Variants in MAP4 observed in about 807,000 individuals in gnomAD.
The protein encoded by MAP4 is microtubule associated protein 4.
Under a neutral mutation model 170.2 loss-of-function variants are expected in MAP4, and 76 were observed. The observed-to-expected ratio is 0.45, with a 90% CI of 0.37 to 0.54. The LOEUF (loss-of-function observed/expected upper bound fraction) is 0.54, where lower values mean the gene tolerates loss of function less well. MAP4 is among the 20% of genes least tolerant of loss of function. MAP4 has a pLI of 0.00. For missense variants in MAP4, 2,506 were observed against 2,748.0 expected (o/e 0.91, Z 1.97); for synonymous variants, 909 against 994.5 (o/e 0.91, Z 1.62).
intron 1 of MAP4, among the ~76,000 whole-genome samples, chr3:48,044,928 A>C (rs944151494): frequency 6.9e-6 from 1 of 144,866 alleles, no homozygotes; most frequent in African/African-American, 2.6e-5. Context: ...CAGCCTGGGC[A>C]ACAGAGCAAG....
chr3:47,909,073 T>C lies in MAP4; in HGVS notation c.5348A>G (p.Gln1783Arg), dbSNP rs367810467. 1.4e-4 allele frequency: 234 copies of C among 1,613,942 alleles called. 1 individual carries two copies. Among genetic ancestry groups the C allele is most frequent in the Non-Finnish European group, 1.1e-5 (13 of 1,179,866 alleles). ...CAGTTGCTTATGTCTCTCTTGTTCC[T>C]GGATTGTAGACTTTGGCAAAAGTGG... ...LTPLLPKSTI[Q>R]EQERHKQLKS... The change falls in exon 9 of 21, where the codon CAG becomes CGG. Residue 1783 changes from glutamine to arginine, a missense_variant. By Grantham distance (43) the Gln-to-Arg change is conservative (BLOSUM62 1). Around this residue, in one of 3 missense-constraint regions of MAP4, gnomAD observed 2,008 missense variants for 2,206.0 expected, o/e 0.91. Coordinates refer to ENST00000683076, the MANE Select transcript of MAP4 (RefSeq NM_001385682.1).
chr3:47,994,876 G>C (rs1260314289), intron 2 of MAP4, among the ~76,000 whole-genome samples: 2 of 151,864 alleles, frequency 1.3e-5, no homozygotes, highest in Non-Finnish European at 2.9e-5. Flanking sequence ...TTGAACCTGG[G>C]AGGCGGAGGA....
At chr3:48,062,896 G>A (rs1579718739) in intron 1 of MAP4, among the ~76,000 whole-genome samples, 1 of 149,926 alleles carries the variant, frequency 6.7e-6, no homozygotes, top group African/African-American at 2.4e-5. Context: ...TTGCACTCCA[G>A]CCTAGGCAAC....
chr3:48,044,435 G>A (rs1008019749), intron 1 of MAP4, among the ~76,000 whole-genome samples: 3 of 151,726 alleles, frequency 2.0e-5, no homozygotes, highest in Non-Finnish European at 2.9e-5. Flanking sequence ...GATTACAGGC[G>A]TAAGCCACAG....
chr3:48,028,805 A>G (rs1469419447), intron 1 of MAP4, among the ~76,000 whole-genome samples: 1 of 150,474 alleles, frequency 6.6e-6, no homozygotes, highest in Non-Finnish European at 1.5e-5. Context: ...AACTAGTGGT[A>G]ATTCCTTTAG....
chr3:48,043,150 G>C (rs1281253395), intron 1 of MAP4, among the ~76,000 whole-genome samples: 1 of 152,102 alleles, frequency 6.6e-6, no homozygotes, highest in Non-Finnish European at 1.5e-5. Flanking sequence ...ACCCAGGCTG[G>C]AGTACAATGG....
At chr3:48,086,057 A>AAT (rs1242462040) in intron 1 of MAP4, among the ~76,000 whole-genome samples, 5 of 151,216 alleles carry the variant, frequency 3.3e-5, no homozygotes, top group Non-Finnish European at 7.4e-5. Context: ...ATCTCAAAAA[A>AAT]ATATATATAT....
intron 8 of MAP4, 59 bp downstream of exon 8, chr3:47,914,758 A>C: frequency 6.2e-7 from 1 of 1,602,414 alleles, no homozygotes; most frequent in Non-Finnish European, 8.5e-7. Context: ...AATGTCTACC[A>C]TCACTACTCT....
intron 1 of MAP4, among the ~76,000 whole-genome samples, chr3:48,004,615 T>C (rs1368051525): frequency 1.3e-5 from 2 of 152,190 alleles, no homozygotes; most frequent in Non-Finnish European, 2.9e-5. Context: ...TAAGCTCTTA[T>C]CATGCGAGTG....
chr3:48,060,232 G>A (rs570034704), intron 1 of MAP4, among the ~76,000 whole-genome samples: 1 of 152,122 alleles, frequency 6.6e-6, no homozygotes, highest in Non-Finnish European at 1.5e-5. Flanking sequence ...ATCTTTCTCA[G>A]CCACTATGAA....
At chr3:47,993,755 G>A (rs1376676787) in intron 2 of MAP4, among the ~76,000 whole-genome samples, 1 of 152,184 alleles carries the variant, frequency 6.6e-6, no homozygotes, top group Non-Finnish European at 1.5e-5. Context: ...AAGCAAAAGT[G>A]GATCAGTCAA....
At chr3:48,060,313 C>G (rs1015132443) in intron 1 of MAP4, among the ~76,000 whole-genome samples, 3 of 151,516 alleles carry the variant, frequency 2.0e-5, no homozygotes, top group Admixed American at 1.3e-4. Flanking sequence ...GAGAACCCAC[C>G]AAAACTGTGG....
intron 1 of MAP4, among the ~76,000 whole-genome samples, chr3:48,055,442 G>A (rs1162844994): frequency 2.6e-5 from 4 of 151,484 alleles, no homozygotes; most frequent in Admixed American, 2.0e-4. Context: ...CTAACCGCGA[G>A]TGATCCGCCA....
In MAP4 at chr3:47,917,094, G is replaced by A. The variant is rs1362366724; in HGVS notation, c.733C>T (p.Leu245=). Residue 245 remains leucine (L), a synonymous_variant, in exon 7 of 21, where the codon CTG becomes TTG. Transcript: ENST00000683076. ...GATGGTGCCATGTCAGTAGTCTTCA[G>A]TCCCATCATTATTTCCAATGCTTGT... The part of the protein sequence containing the change: ...PAQALEIMMG[L]KTTDMAPSKE... 6.2e-7 allele frequency: 1 copy of A among 1,614,108 alleles called. No homozygotes were observed. The highest frequency in any genetic ancestry group is 1.3e-5 in the African/African-American group (1 of 75,036).
At chr3:47,955,439 C>T (rs1424893173) in intron 3 of MAP4, among the ~76,000 whole-genome samples, 4,052 of 59,830 alleles carry the variant, frequency 0.068, 161 homozygotes, top group African/African-American at 0.18. Flanking sequence ...AGCACGTACA[C>T]ACACACACAC....
chr3:48,011,723 A>C (rs2100105367), intron 1 of MAP4, among the ~76,000 whole-genome samples: 1 of 152,206 alleles, frequency 6.6e-6, no homozygotes, highest in Non-Finnish European at 1.5e-5. Context: ...TGAGTTCATT[A>C]AAGAGCTTTT....
intron 3 of MAP4, among the ~76,000 whole-genome samples, chr3:47,958,293 T>C (rs7431111): frequency 0.021 from 3,237 of 152,198 alleles, 120 homozygotes; most frequent in Admixed American, 0.1. Context: ...AATGTTTGAG[T>C]CATTTCACCA....
intron 3 of MAP4, among the ~76,000 whole-genome samples, chr3:47,951,429 C>A (rs933395719): frequency 1.3e-5 from 2 of 152,172 alleles, no homozygotes; most frequent in South Asian, 4.1e-4. Flanking sequence ...GCTGCCATCT[C>A]GGCTCACTGC....
chr3:47,867,213 C>G (rs2082062452), intron 17 of MAP4, 33 bp downstream of exon 17: 2 of 1,494,978 alleles, frequency 1.3e-6, no homozygotes, highest in Non-Finnish European at 1.9e-6. Flanking sequence ...TGGGCTATAT[C>G]TCAGATGCCA....
Sources: allele counts gnomAD v4.1 joint callset (sites outside exome capture counted in the v4.1 genomes callset), GRCh38; gene constraint gnomAD v4.1.1; regional missense constraint gnomAD v4.1.1; transcripts MANE v1.5; gene names NCBI Gene and HGNC (gene_info 2026-07-23, HGNC 2026-07-21).